Variants in EFEMP1 observed in about 807,000 individuals in gnomAD.
EFEMP1 encodes the protein EGF-containing fibulin-like extracellular matrix protein 1.
A neutral mutation model predicts 65.7 loss-of-function variants in EFEMP1; 18 were observed. The observed-to-expected ratio is 0.27, with a 90% CI of 0.19 to 0.41. EFEMP1 has a LOEUF of 0.41. Among genes scored for constraint, EFEMP1 ranks in the 10% least tolerant of loss-of-function variants. The pLI, the probability that EFEMP1 is intolerant of heterozygous loss-of-function variation, is 1.00. For synonymous variants in EFEMP1, 237 were observed against 219.7 expected (o/e 1.08, Z -0.70); for missense variants, 469 against 624.8 (o/e 0.75, Z 2.66).
rs1226194060 is a variant in EFEMP1 at position 55,870,374 on chromosome 2, A to T, written c.1320+346T>A. ...CTTGGGGGGTATGTTGGGTGGGGGC[A>T]GAGGCGGGGGGATGGGAGGCTTGTA... is the stretch of plus-strand genomic sequence containing the variant. On this transcript the variant is annotated intron_variant, in intron 11 of 11. Transcript: ENST00000355426. The surrounding 1 kb of genome is among the most constrained non-coding windows in gnomAD (Gnocchi z 5.8). Among the ~76,000 whole-genome samples the T allele has an allele frequency of 8.5e-6, 1 of 117,980 alleles. No individual in the cohort carries two copies. 77.4% of individuals were successfully genotyped at this position (117,980 alleles called of 152,430 possible). A position where few individuals can be genotyped will look rare whatever the true frequency, so the allele number is the denominator to read the frequency against.
chr2:55,881,636 G>A lies in EFEMP1; in HGVS notation c.616C>T (p.Gln206Ter), dbSNP rs1669244477. ...SFACQCPPGY[Q>*]KRGEQCVDID... ...CCTACGCACTGCTCCCCTCGCTTCT[G>A]ATATCCAGGAGGGCACTGACATGCA... Residue 206 changes from glutamine (Q) to a stop codon, truncating the protein, a stop_gained, in exon 6 of 12, where the codon CAG becomes TAG. Coordinates refer to ENST00000355426, the MANE Select transcript of EFEMP1 (RefSeq NM_001039348.3). LOFTEE classifies it high-confidence loss of function. 1 of 1,613,772 alleles carries A rather than the reference G, an allele frequency of 6.2e-7. No homozygotes were observed.
rs552652451 is a variant in EFEMP1 at position 55,922,172 on chromosome 2, A to G, written c.81+188T>C. 4.5e-5 allele frequency: 27 copies of G among 603,700 alleles called. No homozygotes were observed. The highest frequency in any genetic ancestry group is 2.7e-4 in the African/African-American group (15 of 54,566). The allele number at this position is 603,700 out of a possible 1,614,324, so 37.4% of individuals were successfully genotyped here. On this transcript the variant is annotated intron_variant, in intron 3 of 11. Coordinates refer to ENST00000355426, the MANE Select transcript of EFEMP1 (RefSeq NM_001039348.3). The surrounding 1 kb of genome is among the most constrained non-coding windows in gnomAD (Gnocchi z 5.5). ...GTTCCTATCTTAGGTGGTGAGCCCA[A>G]TGAACTTTTGAAAGGATCAAGGGGG...
At chr2:55,897,654 T>C (rs1201819931) in intron 5 of EFEMP1, among the ~76,000 whole-genome samples, 1 of 152,218 alleles carries the variant, frequency 6.6e-6, no homozygotes, top group South Asian at 2.1e-4. Flanking sequence ...CCATCTATTC[T>C]TATGTTCTTA....
intron 6 of EFEMP1, 151 bp from the exon 7 acceptor site, chr2:55,878,016 A>G (rs1178167615): frequency 5.3e-6 from 5 of 940,548 alleles, no homozygotes; most frequent in East Asian, 2.8e-5. Context: ...TATTTTAAAT[A>G]TACTTTGTAT....
intron 5 of EFEMP1, among the ~76,000 whole-genome samples, chr2:55,887,674 T>C (rs952268232): frequency 6.6e-6 from 1 of 152,168 alleles, no homozygotes; most frequent in Admixed American, 6.5e-5. Flanking sequence ...CAGCAGTAGA[T>C]TTATAGTTCT....
At chr2:55,912,210 A>C (rs1043631726) in intron 5 of EFEMP1, among the ~76,000 whole-genome samples, 1 of 152,066 alleles carries the variant, frequency 6.6e-6, no homozygotes, top group Admixed American at 6.6e-5. Flanking sequence ...CAAAATATCT[A>C]TTTTCTGAGA....
Position 55,871,057 on chromosome 2 carries a change from C to T in EFEMP1, c.1067G>A (p.Gly356Asp). The T allele has an allele frequency of 6.8e-6, 11 of 1,613,712 alleles. No homozygotes were observed. Among genetic ancestry groups the T allele is most frequent in the Non-Finnish European group, 8.5e-6 (10 of 1,179,790 alleles). ...EDEMCWNYHG[G>D]FRCYPRNPCQ... ...AGGATTTCGTGGATAACAACGGAAG[C>T]CGCCATGATAATTCCAACACATTTC... Residue 356 changes from glycine to aspartate, a missense_variant, in exon 10 of 12, where the codon GGC (glycine) becomes GAC (aspartate). By Grantham distance (94) the Gly-to-Asp change is moderately conservative (BLOSUM62 -1). This residue lies in a region of EFEMP1 where 399 missense variants were observed against 528.2 expected (regional missense o/e 0.76). Transcript: ENST00000355426. This position sits in a 1 kb window ranked among gnomAD's most constrained non-coding sequence, Gnocchi z 4.2.
Position 55,917,559 on chromosome 2 carries a change from C to T in EFEMP1, c.517+106G>A. 2.1e-6 allele frequency: 3 copies of T among 1,397,592 alleles called. No homozygotes were observed. The highest frequency in any genetic ancestry group is 3.0e-6 in the Non-Finnish European group (3 of 983,858). The allele number at this position is 1,397,592 out of a possible 1,614,324, so 86.6% of individuals were successfully genotyped here. A position where few individuals can be genotyped will look rare whatever the true frequency, so the allele number is the denominator to read the frequency against. ...AATATAATGCAGACAAAGCACTTAG[C>T]ATGATGTCTGGCACGCGAGAAGTCC... is the stretch of plus-strand genomic sequence containing the variant. On this transcript the variant is annotated intron_variant, in intron 5 of 11. Transcript: ENST00000355426. The surrounding 1 kb of genome is among the most constrained non-coding windows in gnomAD (Gnocchi z 6.3).
chr2:55,888,256 G>A (rs1292065576), intron 5 of EFEMP1, among the ~76,000 whole-genome samples: 1 of 149,608 alleles, frequency 6.7e-6, no homozygotes, highest in African/African-American at 2.5e-5. Context: ...TTAAATGATT[G>A]TTAATTGTTA....
In EFEMP1 at chr2:55,918,597, C is replaced by G. The variant is rs905558114; in HGVS notation, c.82-330G>C. ...TGCTCTTTATTAATTTGCCTTTTTT[C>G]CCACATTGGAAATGTTAAAAAAAAA... On this transcript the variant is annotated intron_variant, in intron 3 of 11. Transcript: ENST00000355426. Among the ~76,000 whole-genome samples, 7 of 146,290 alleles carry G rather than the reference C, an allele frequency of 4.8e-5. 1 individual carries two copies. Among genetic ancestry groups the G allele is most frequent in the Admixed American group, 1.4e-4 (2 of 14,734 alleles).
chr2:55,882,948 G>C (rs1024827250), intron 5 of EFEMP1, among the ~76,000 whole-genome samples: 1 of 152,162 alleles, frequency 6.6e-6, no homozygotes, highest in Non-Finnish European at 1.5e-5. Context: ...ATCTCTGAGA[G>C]TAGACCCTGA....
At chr2:55,898,712 G>A (rs908708536) in intron 5 of EFEMP1, among the ~76,000 whole-genome samples, 1 of 152,256 alleles carries the variant, frequency 6.6e-6, no homozygotes. Flanking sequence ...AATTGTGACA[G>A]TAATAAATCT....
At chr2:55,907,369 G>T (rs1034309368) in intron 5 of EFEMP1, among the ~76,000 whole-genome samples, 3 of 152,162 alleles carry the variant, frequency 2.0e-5, no homozygotes, top group African/African-American at 7.2e-5. Flanking sequence ...TACGTAGGCA[G>T]GTTTCTAAAG....
rs1670741768 is a variant in EFEMP1, at chr2:55,917,549, A to G, written c.517+116T>C. The G allele has an allele frequency of 1.5e-6, 2 of 1,301,986 alleles. No homozygotes were observed. The highest frequency in any genetic ancestry group is 2.2e-6 in the Non-Finnish European group (2 of 897,192). The allele number at this position is 1,301,986 out of a possible 1,614,324, so 80.7% of individuals were successfully genotyped here. On this transcript the variant is annotated intron_variant, in intron 5 of 11. Coordinates refer to ENST00000355426, the MANE Select transcript of EFEMP1 (RefSeq NM_001039348.3). This position sits in a 1 kb window ranked among gnomAD's most constrained non-coding sequence, Gnocchi z 6.3. ...GTGATGATTAAATATAATGCAGACA[A>G]AGCACTTAGCATGATGTCTGGCACG...
At chr2:55,896,705 A>C (rs62164496) in intron 5 of EFEMP1, among the ~76,000 whole-genome samples, 11 of 152,248 alleles carry the variant, frequency 7.2e-5, no homozygotes, top group Admixed American at 5.2e-4. Context: ...TCAGAAATAA[A>C]TTTTAAAAGT....
chr2:55,898,930 C>T (rs1332460349), intron 5 of EFEMP1, among the ~76,000 whole-genome samples: 1 of 152,128 alleles, frequency 6.6e-6, no homozygotes, highest in African/African-American at 2.4e-5. Flanking sequence ...AATTGCATTA[C>T]TTTCAAGTAC....
Position 55,911,511 on chromosome 2 carries a change from TTTAA to T in EFEMP1, c.517+6150_517+6153del, listed in dbSNP as rs1224445263. Reference sequence around the variant, plus strand: ...GTAGTTATATTGTTATAACAATATATTTAATTGTCTTATTATAACAATATATGTT... The same window carrying T: ...GTAGTTATATTGTTATAACAATATATTTGTCTTATTATAACAATATATGTT... On this transcript the variant is annotated intron_variant, in intron 5 of 11. Transcript: ENST00000355426. Among the ~76,000 whole-genome samples, 11 of 151,968 alleles carry T rather than the reference TTTAA, an allele frequency of 7.2e-5. No individual in the cohort carries two copies. The East Asian group carries it at 1.3e-3, about 19-fold the overall frequency.
Position 55,922,049 on chromosome 2 carries a change from C to T in EFEMP1, c.81+311G>A. On this transcript the variant is annotated intron_variant, in intron 3 of 11. Transcript: ENST00000355426. The surrounding 1 kb of genome is among the most constrained non-coding windows in gnomAD (Gnocchi z 5.5). The stretch of plus-strand genomic sequence containing the variant: ...GTCCAGGTTTTCCAGTTCCTTACAC[C>T]CATTAATTTGTTGAATGTTTTGGAA... The T allele has an allele frequency of 5.4e-6, 2 of 369,510 alleles. No homozygotes were observed. Among genetic ancestry groups the T allele is most frequent in the Non-Finnish European group, 1.0e-5 (2 of 191,064 alleles). The allele number at this position is 369,510 out of a possible 1,614,324, so 22.9% of individuals were successfully genotyped here. A position where few individuals can be genotyped will look rare whatever the true frequency, so the allele number is the denominator to read the frequency against.
chr2:55,918,172 G>A (rs1255477409), intron 4 of EFEMP1, 47 bp downstream of exon 4: 4 of 1,612,984 alleles, frequency 2.5e-6, no homozygotes, highest in East Asian at 2.2e-5. Flanking sequence ...CACAAGAGAT[G>A]GAGACAGAAG....
Sources: allele counts gnomAD v4.1 joint callset (sites outside exome capture counted in the v4.1 genomes callset), GRCh38; gene constraint gnomAD v4.1.1; regional missense constraint gnomAD v4.1.1; non-coding constraint Gnocchi (gnomAD v3.1); transcripts MANE v1.5; gene names NCBI Gene and HGNC (gene_info 2026-07-23, HGNC 2026-07-21).